NBAS: variants seen among roughly 807,000 people sequenced by gnomAD.
The protein encoded by NBAS is NBAS subunit of NRZ tethering complex.
NBAS carries 219 observed loss-of-function variants against 302.5 expected under a neutral mutation model. The ratio of observed to expected loss-of-function variants is 0.72; its 90% CI spans 0.65 to 0.81. The LOEUF (loss-of-function observed/expected upper bound fraction) is 0.81. Ranked by LOEUF, NBAS falls within the 30% of genes least tolerant of loss-of-function variation. The probability of loss-of-function intolerance (pLI) is 0.00; values close to 1 mark genes in which losing one functional copy is unlikely to be tolerated. For missense variants in NBAS, 2,932 were observed against 2,841.6 expected (o/e 1.03, Z -0.72); for synonymous variants, 1,118 against 1,021.6 (o/e 1.09, Z -1.80).
intron 30 of NBAS, among the ~76,000 whole-genome samples, chr2:15,375,768 C>G (rs1674705306): frequency 6.6e-6 from 1 of 151,628 alleles, no homozygotes. Context: ...GTGCTCACTA[C>G]CAAATTGTTT....
At chr2:15,294,601 C>T (rs545587084) in intron 40 of NBAS, among the ~76,000 whole-genome samples, 40 of 152,310 alleles carry the variant, frequency 2.6e-4, no homozygotes, top group African/African-American at 9.1e-4. Flanking sequence ...CCCAGGGATG[C>T]TGCTCATGGG....
the NBAS span, among the ~76,000 whole-genome samples, chr2:14,937,750 T>C: frequency 6.6e-6 from 1 of 152,130 alleles, no homozygotes; most frequent in African/African-American, 2.4e-5. Flanking sequence ...TCTTGGAAAA[T>C]GGTCCTGCAC....
chr2:15,104,943 T>C, the NBAS span, among the ~76,000 whole-genome samples: 1 of 152,026 alleles, frequency 6.6e-6, no homozygotes, highest in Non-Finnish European at 1.5e-5. Flanking sequence ...AGATTCTAGA[T>C]AGTAGCCCCA....
At chr2:15,344,513 GTAAT>G (rs1308288147) in intron 35 of NBAS, among the ~76,000 whole-genome samples, 4 of 152,086 alleles carry the variant, frequency 2.6e-5, no homozygotes, top group African/African-American at 7.2e-5. Context: ...AATTGAGGCA[GTAAT>G]TAATAGGCTA....
At chr2:15,088,721 A>C in the NBAS span, among the ~76,000 whole-genome samples, 1 of 152,210 alleles carries the variant, frequency 6.6e-6, no homozygotes, top group Admixed American at 6.5e-5. Context: ...AGCTTGAAGA[A>C]ATTTCTTTCA....
At chr2:15,299,981 C>T (rs1448783379) in intron 40 of NBAS, among the ~76,000 whole-genome samples, 1 of 152,150 alleles carries the variant, frequency 6.6e-6, no homozygotes, top group Non-Finnish European at 1.5e-5. Flanking sequence ...AGAGAAAATT[C>T]TCTCAGACTG....
At chr2:15,556,740 T>C (rs756999825) in intron 3 of NBAS, 43 bp downstream of exon 3, 1 of 1,498,378 alleles carries the variant, frequency 6.7e-7, no homozygotes, top group Non-Finnish European at 9.3e-7. Flanking sequence ...ATATTGTTTA[T>C]ATTTGATGTT....
chr2:15,101,870 G>C, the NBAS span, among the ~76,000 whole-genome samples: 1 of 152,176 alleles, frequency 6.6e-6, no homozygotes. Flanking sequence ...CTAATCTGAG[G>C]GATGCTCCGC....
chr2:15,159,511 T>C, the NBAS span, among the ~76,000 whole-genome samples: 1 of 151,704 alleles, frequency 6.6e-6, no homozygotes, highest in Admixed American at 6.6e-5. Flanking sequence ...AAGCCACACA[T>C]AAAAGAAGAA....
chr2:14,793,864 A>G, the NBAS span, among the ~76,000 whole-genome samples: 2 of 152,192 alleles, frequency 1.3e-5, no homozygotes, highest in African/African-American at 4.8e-5. Context: ...TGGATTTCTC[A>G]TCTGAAACTA....
At chr2:14,799,433 T>C in the NBAS span, among the ~76,000 whole-genome samples, 2 of 152,272 alleles carry the variant, frequency 1.3e-5, no homozygotes, top group East Asian at 3.9e-4. Context: ...ATTTATCTTC[T>C]TTGAATCCTT....
At chr2:14,816,744 G>A in the NBAS span, among the ~76,000 whole-genome samples, 2 of 152,192 alleles carry the variant, frequency 1.3e-5, no homozygotes, top group Admixed American at 1.3e-4. Context: ...TTTACCTCGT[G>A]TCTGTCTTCC....
the NBAS span, among the ~76,000 whole-genome samples, chr2:14,792,243 A>G: frequency 2.0e-5 from 3 of 152,234 alleles, no homozygotes; most frequent in Non-Finnish European, 4.4e-5. Context: ...ATGGGGTTAT[A>G]TCCTGATAAT....
chr2:15,120,034 C>T, the NBAS span, among the ~76,000 whole-genome samples: 3 of 152,138 alleles, frequency 2.0e-5, no homozygotes, highest in Admixed American at 6.5e-5. Flanking sequence ...CACACCTGTT[C>T]CTAGTTCTGA....
intron 42 of NBAS, among the ~76,000 whole-genome samples, chr2:15,279,479 G>T (rs548552229): frequency 6.6e-6 from 1 of 152,146 alleles, no homozygotes; most frequent in Admixed American, 6.6e-5. Context: ...GAGTTCTCCT[G>T]TCATACTTCA....
chr2:15,114,502 T>C, the NBAS span, among the ~76,000 whole-genome samples: 17 of 152,342 alleles, frequency 1.1e-4, no homozygotes, highest in African/African-American at 4.1e-4. Context: ...TATTCGAGGT[T>C]AGGGCTTCAA....
At chr2:14,804,535 G>A in the NBAS span, among the ~76,000 whole-genome samples, 3 of 152,146 alleles carry the variant, frequency 2.0e-5, no homozygotes, top group Non-Finnish European at 4.4e-5. Flanking sequence ...CAATTAGTTG[G>A]GAAAAATATT....
intron 9 of NBAS, among the ~76,000 whole-genome samples, chr2:15,513,377 T>C (rs1428878969): frequency 6.6e-6 from 1 of 152,232 alleles, no homozygotes; most frequent in East Asian, 1.9e-4. Context: ...GCTAGTATTA[T>C]GAGTATTACT....
the NBAS span, among the ~76,000 whole-genome samples, chr2:14,815,606 T>A: frequency 1.3e-5 from 2 of 152,184 alleles, no homozygotes; most frequent in Admixed American, 1.3e-4. Context: ...CTCAATCACC[T>A]TTCTCCTCCC....
Sources: gnomAD v4.1 joint callset for allele counts (sites outside exome capture counted in the v4.1 genomes callset) on GRCh38, gnomAD v4.1.1 for gene constraint, MANE v1.5 for transcripts, NCBI Gene and HGNC (gene_info 2026-07-23, HGNC 2026-07-21) for gene names.